The following ARHGEF10L variants were observed in gnomAD, a reference collection of about 807,000 sequenced individuals.
The protein encoded by ARHGEF10L is Rho guanine nucleotide exchange factor 10 like, also known as rho guanine nucleotide exchange factor 10-like protein.
ARHGEF10L carries 69 observed loss-of-function variants against 141.2 expected under a neutral mutation model. That is an observed-to-expected ratio of 0.49 (90% CI 0.40 to 0.60). ARHGEF10L has a LOEUF of 0.60. Ranked by LOEUF, ARHGEF10L falls within the 20% of genes least tolerant of loss-of-function variation. The probability of loss-of-function intolerance (pLI) is 0.00; values close to 1 mark genes in which losing one functional copy is unlikely to be tolerated. For missense variants in ARHGEF10L, 1,482 were observed against 1,734.3 expected, an observed-to-expected ratio of 0.85 and a Z score of 2.58; for synonymous variants, 711 against 718.5, an observed-to-expected ratio of 0.99 and a Z score of 0.17.
intron 15 of ARHGEF10L, among the ~76,000 whole-genome samples, chr1:17,628,866 TCCA>T (rs974236463): frequency 2.8e-4 from 42 of 152,300 alleles, no homozygotes; most frequent in Middle Eastern, 3.4e-3. Context: ...ATCTTTGCTT[TCCA>T]CCCCATGCCT....
Position 17,663,468 on chromosome 1 carries a change from G to A in ARHGEF10L, c.2861-979G>A, listed in dbSNP as rs149030753. Among the ~76,000 whole-genome samples the A allele has an allele frequency of 5.2e-3, 795 of 151,694 alleles. 8 individuals carry two copies. The highest frequency in any genetic ancestry group is 0.018 in the African/African-American group (762 of 41,352). ...CTTCGGAGGCTGAGGCAAGAGAATC[G>A]CTGGAACCCGGGGAGGCAGAGGTTG... On this transcript the variant is annotated intron_variant, in intron 25 of 28. Transcript: ENST00000361221.
At chr1:17,600,956 G>T (rs562733266) in intron 4 of ARHGEF10L, among the ~76,000 whole-genome samples, 4 of 151,612 alleles carry the variant, frequency 2.6e-5, no homozygotes, top group African/African-American at 9.7e-5. Flanking sequence ...AGACTGAGGT[G>T]GGAGGATTGC....
At position 17,615,570 on chromosome 1, in the gene ARHGEF10L, A is replaced by G. The variant is rs936029253; in HGVS notation, c.727-524A>G. ...GCGGATGGGATGGGGGTGTGCACACACCTCCTTTAGTTGCTCCTAAGGTCA... is the reference window on the plus strand; with the variant it reads ...GCGGATGGGATGGGGGTGTGCACACGCCTCCTTTAGTTGCTCCTAAGGTCA... On this transcript the variant is annotated intron_variant, in intron 8 of 28. Transcript: ENST00000361221. The surrounding 1 kb of genome is among the most constrained non-coding windows in gnomAD (Gnocchi z 4.7). The G allele has an allele frequency of 1.3e-5, 2 of 152,476 alleles. No homozygotes were observed. Among genetic ancestry groups the G allele is most frequent in the African/African-American group, 4.8e-5 (2 of 41,312 alleles). The allele number at this position is 152,476 out of a possible 1,614,324, so 9.4% of individuals were successfully genotyped here. A position where few individuals can be genotyped will look rare whatever the true frequency, so the allele number is the denominator to read the frequency against.
chr1:17,689,872 A>T (rs1351996633), intron 27 of ARHGEF10L: 1 of 456,032 alleles, frequency 2.2e-6, no homozygotes, highest in Admixed American at 2.4e-5. Flanking sequence ...GGGAGGCAGG[A>T]TGTGTGGACA....
chr1:17,612,007 C>G (rs2059575580), intron 7 of ARHGEF10L, among the ~76,000 whole-genome samples: 1 of 152,048 alleles, frequency 6.6e-6, no homozygotes, highest in East Asian at 1.9e-4. Flanking sequence ...ATCCATCCAT[C>G]CTCCAGATAG....
chr1:17,608,170 A>G (rs2081349947), intron 7 of ARHGEF10L, among the ~76,000 whole-genome samples, 193 bp downstream of exon 7: 1 of 152,124 alleles, frequency 6.6e-6, no homozygotes, highest in African/African-American at 2.4e-5. Flanking sequence ...ACTCGTAGAC[A>G]TTGCTGTTGG....
At chr1:17,539,506 C>T (rs1347054312), upstream of ARHGEF10L, among the ~76,000 whole-genome samples, 1 of 151,942 alleles carries the variant, frequency 6.6e-6, no homozygotes, top group East Asian at 1.9e-4. This position sits in a 1 kb window ranked among gnomAD's most constrained non-coding sequence, Gnocchi z 6.0. Context: ...GCCTCAGTTT[C>T]CCCCCTGTAC....
intron 26 of ARHGEF10L, among the ~76,000 whole-genome samples, chr1:17,684,789 C>T (rs1048118712): frequency 3.9e-5 from 6 of 152,164 alleles, no homozygotes; most frequent in Non-Finnish European, 5.9e-5. Context: ...GTTCCAAGAG[C>T]AGCCTGACCC....
intron 27 of ARHGEF10L, among the ~76,000 whole-genome samples, chr1:17,693,247 C>T (rs10888048): frequency 0.8 from 121,177 of 152,162 alleles, 48,722 homozygotes; most frequent in East Asian, 0.91. Context: ...TTGGACAGCA[C>T]GGTAGGGAAC....
intron 26 of ARHGEF10L, among the ~76,000 whole-genome samples, chr1:17,685,193 C>T (rs902576615): frequency 2.0e-5 from 3 of 152,200 alleles, no homozygotes; most frequent in Non-Finnish European, 4.4e-5. Flanking sequence ...AGCCAGCCTT[C>T]CCCACACTGT....
chr1:17,561,135 A>C (rs1377961013), intron 1 of ARHGEF10L, among the ~76,000 whole-genome samples: 1 of 152,220 alleles, frequency 6.6e-6, no homozygotes, highest in African/African-American at 2.4e-5. Flanking sequence ...TGGTGTCTGC[A>C]AAGCTCCCAG....
rs374243966 is a variant in ARHGEF10L, at chr1:17,640,243, C to T, written c.2213C>T (p.Pro738Leu). 1 of 1,613,222 alleles carries T rather than the reference C, an allele frequency of 6.2e-7. No individual in the cohort carries two copies. The highest frequency in any genetic ancestry group is 8.5e-7 in the Non-Finnish European group (1 of 1,179,772). ...AGCTTCATGGTGGTTTTCATCACCC[C>T]CAACCCCCTGAGCAAGATTTCCTGG... The part of the protein sequence containing the change: ...PISFMVVFIT[P>L]NPLSKISWVN... Residue 738 changes from proline to leucine, a missense_variant, in exon 21 of 29, where the codon CCC becomes CTC. By Grantham distance (98) the Pro-to-Leu change is moderately conservative (BLOSUM62 -3). Around this residue, in one of 3 missense-constraint regions of ARHGEF10L, gnomAD observed 858 missense variants for 966.3 expected, o/e 0.89. Transcript: ENST00000361221.
In ARHGEF10L at chr1:17,624,473, C is replaced by T. The variant is rs1365447623; in HGVS notation, c.1287C>T (p.Leu429=). ...TGTCCATCATCAAGAAGGCCTGCCT[C>T]ACCAAGCCTGCCTTCCTCGAGTTCC... ...SAMSIIKKAC[L]TKPAFLEFLK... The change falls in exon 13 of 29, where the codon CTC becomes CTT. Residue 429 remains leucine (L), a synonymous_variant. Coordinates refer to ENST00000361221, the MANE Select transcript of ARHGEF10L (RefSeq NM_018125.4). The T allele has an allele frequency of 3.1e-6, 5 of 1,614,232 alleles. No individual in the cohort carries two copies. Among genetic ancestry groups the T allele is most frequent in the Non-Finnish European group, 4.2e-6 (5 of 1,180,028 alleles).
At chr1:17,587,285 C>T (rs1173177670) in intron 2 of ARHGEF10L, among the ~76,000 whole-genome samples, 175 bp from the exon 3 acceptor site, 2 of 152,172 alleles carry the variant, frequency 1.3e-5, no homozygotes, top group Non-Finnish European at 2.9e-5. Flanking sequence ...CCAACCCCCT[C>T]CCCCCGGCCT....
At chr1:17,626,120 G>C (rs976492650) in intron 14 of ARHGEF10L, 72 bp downstream of exon 14, 14 of 1,348,906 alleles carry the variant, frequency 1.0e-5, no homozygotes, top group Non-Finnish European at 1.4e-5. Context: ...TCCTGGGGTA[G>C]GAGGGAGGAG....
chr1:17,519,967 T>C, the ARHGEF10L span, among the ~76,000 whole-genome samples: 1 of 152,162 alleles, frequency 6.6e-6, no homozygotes, highest in Non-Finnish European at 1.5e-5. Flanking sequence ...CTTTCCACCT[T>C]CTCTGGCTAA....
Position 17,627,369 on chromosome 1 carries a change from C to T in ARHGEF10L, c.1450C>T (p.Leu484=). 2.5e-6 allele frequency: 4 copies of T among 1,614,148 alleles called. No individual in the cohort carries two copies. Among genetic ancestry groups the T allele is most frequent in the Non-Finnish European group, 3.4e-6 (4 of 1,180,044 alleles). Residue 484 remains leucine (L), a synonymous_variant, in exon 15 of 29, where the codon CTG becomes TTG. Transcript: ENST00000361221. The surrounding 1 kb of genome is among the most constrained non-coding windows in gnomAD (Gnocchi z 4.0). ...KNTPRGHPDR[L]SLQLALTELE... ...CACCCCCAGGGGCCATCCGGACAGGCTGTCGCTGCAGCTGGCCCTCACAGA... is the reference window on the plus strand; with the variant it reads ...CACCCCCAGGGGCCATCCGGACAGGTTGTCGCTGCAGCTGGCCCTCACAGA...
rs892366472 is a variant in ARHGEF10L at position 17,656,971 on chromosome 1, G to A, written c.2860+263G>A. Among the ~76,000 whole-genome samples the A allele has an allele frequency of 2.0e-5, 3 of 152,162 alleles. No homozygotes were observed. Among genetic ancestry groups the A allele is most frequent in the African/African-American group, 2.4e-5 (1 of 41,450 alleles). ...ACTGTAGTGGATAAGAGAGGTACTC[G>A]CAGGTTGGAGAGACCTGGCTTCCCG... On this transcript the variant is annotated intron_variant, in intron 25 of 28. Coordinates refer to ENST00000361221, the MANE Select transcript of ARHGEF10L (RefSeq NM_018125.4). The surrounding 1 kb of genome is among the most constrained non-coding windows in gnomAD (Gnocchi z 4.9).
At position 17,656,471 on chromosome 1, in the gene ARHGEF10L, C is replaced by T; in HGVS notation, c.2706-83C>T. The T allele has an allele frequency of 6.6e-7, 1 of 1,510,416 alleles. No homozygotes were observed. The highest frequency in any genetic ancestry group is 9.0e-7 in the Non-Finnish European group (1 of 1,114,622). The allele number at this position is 1,510,416 out of a possible 1,614,324, so 93.6% of individuals were successfully genotyped here. A position where few individuals can be genotyped will look rare whatever the true frequency, so the allele number is the denominator to read the frequency against. Reference sequence around the variant, plus strand: ...CTGAGAGGGGTCAGCTCCCTGGGGCCCTCTCCCTAGGAGGGCATGGGGGCA... The same window carrying T: ...CTGAGAGGGGTCAGCTCCCTGGGGCTCTCTCCCTAGGAGGGCATGGGGGCA... On this transcript the variant is annotated intron_variant, in intron 24 of 28. Transcript: ENST00000361221. The surrounding 1 kb of genome is among the most constrained non-coding windows in gnomAD (Gnocchi z 4.9).
Sources: allele counts gnomAD v4.1 joint callset (sites outside exome capture counted in the v4.1 genomes callset), GRCh38; gene constraint gnomAD v4.1.1; regional missense constraint gnomAD v4.1.1; non-coding constraint Gnocchi (gnomAD v3.1); transcripts MANE v1.5; gene names NCBI Gene and HGNC (gene_info 2026-07-23, HGNC 2026-07-21).